Variants in L2HGDH observed in about 807,000 individuals in gnomAD.
L2HGDH encodes the protein L-2-hydroxyglutarate dehydrogenase, mitochondrial.
A neutral mutation model predicts 51.5 loss-of-function variants in L2HGDH; 34 were observed. The observed-to-expected ratio is 0.66, with a 90% CI of 0.50 to 0.88. L2HGDH has a LOEUF of 0.88. Among genes scored for constraint, L2HGDH ranks in the 40% least tolerant of loss-of-function variants. The probability of loss-of-function intolerance (pLI) is 0.00; values close to 1 mark genes in which losing one functional copy is unlikely to be tolerated. For missense variants in L2HGDH, 558 were observed against 571.9 expected, an observed-to-expected ratio of 0.98 and a Z score of 0.25; for synonymous variants, 198 against 197.9, an observed-to-expected ratio of 1.00 and a Z score of -0.01.
At chr14:50,303,810 T>TAAAAAAAAAA (rs5808550) in intron 1 of L2HGDH, among the ~76,000 whole-genome samples, 1 of 114,000 alleles carries the variant, frequency 8.8e-6, no homozygotes, top group African/African-American at 3.4e-5. Flanking sequence ...TTAGACGCAT[T>TAAAAAAAAAA]AAAAAAAAAA....
intron 1 of L2HGDH, among the ~76,000 whole-genome samples, chr14:50,304,766 C>T (rs1184349487): frequency 6.6e-6 from 1 of 152,004 alleles, no homozygotes. Context: ...ACCCAGGAGG[C>T]GGAGCTTGCA....
intron 1 of L2HGDH, among the ~76,000 whole-genome samples, chr14:50,305,482 G>C (rs1312562368): frequency 6.6e-6 from 1 of 152,110 alleles, no homozygotes; most frequent in Admixed American, 6.6e-5. Context: ...AAGTTCAGTG[G>C]ATAAAAGGTA....
chr14:50,282,647 T>C (rs1890334691), intron 5 of L2HGDH: 1 of 376,124 alleles, frequency 2.7e-6, no homozygotes, highest in Admixed American at 3.4e-5. Context: ...TCTGTGCCTG[T>C]TTTCTCACCC....
chr14:50,244,446 T>C lies in L2HGDH; in HGVS notation c.*2612A>G. ...TTCAATGTTTACAACTTAGTATGTATGCAATCGTACTACTGACAAAATACA... is the reference window on the plus strand; with the variant it reads ...TTCAATGTTTACAACTTAGTATGTACGCAATCGTACTACTGACAAAATACA... On this transcript the variant is annotated 3_prime_UTR_variant, in exon 10 of 10. Coordinates refer to ENST00000267436, the MANE Select transcript of L2HGDH (RefSeq NM_024884.3). 4.1e-6 allele frequency: 4 copies of C among 985,316 alleles called. No homozygotes were observed. Among genetic ancestry groups the C allele is most frequent in the South Asian group, 4.7e-5 (1 of 21,282 alleles). 61.0% of individuals were successfully genotyped at this position (985,316 alleles called of 1,614,324 possible). A position where few individuals can be genotyped will look rare whatever the true frequency, so the allele number is the denominator to read the frequency against.
chr14:50,255,025 G>A (rs1329342208), intron 9 of L2HGDH, among the ~76,000 whole-genome samples: 1 of 152,078 alleles, frequency 6.6e-6, no homozygotes, highest in South Asian at 2.1e-4. Context: ...TCCAGCCTGG[G>A]TGACAGAGTG....
chr14:50,248,587 G>A (rs1253025113), intron 9 of L2HGDH, among the ~76,000 whole-genome samples: 5 of 152,200 alleles, frequency 3.3e-5, no homozygotes, highest in Non-Finnish European at 7.3e-5. Context: ...CTATTCATTC[G>A]TAGAGAGGTA....
chr14:50,275,761 T>A (rs1296009752), intron 6 of L2HGDH, among the ~76,000 whole-genome samples: 6 of 152,158 alleles, frequency 3.9e-5, no homozygotes, highest in Admixed American at 2.6e-4. Context: ...TGGTATTGTT[T>A]CTCCCACAGC....
intron 8 of L2HGDH, among the ~76,000 whole-genome samples, chr14:50,266,065 A>C (rs929007226): frequency 6.6e-6 from 1 of 151,404 alleles, no homozygotes; most frequent in Non-Finnish European, 1.5e-5. Context: ...AGGCTCGCTT[A>C]AGCCCAGGAG....
chr14:50,257,240 A>G (rs1725076284), intron 9 of L2HGDH, among the ~76,000 whole-genome samples: 1 of 152,048 alleles, frequency 6.6e-6, no homozygotes, highest in Non-Finnish European at 1.5e-5. Context: ...CATGTCTTTT[A>G]ATTTCTATGG....
intron 9 of L2HGDH, among the ~76,000 whole-genome samples, chr14:50,264,782 G>T (rs112379465): frequency 6.6e-6 from 1 of 152,170 alleles, no homozygotes; most frequent in Admixed American, 6.5e-5. Context: ...TTGGGTACTG[G>T]GCTTAATATG....
chr14:50,263,087 G>C (rs1179874587), intron 9 of L2HGDH, among the ~76,000 whole-genome samples: 1 of 152,190 alleles, frequency 6.6e-6, no homozygotes, highest in Non-Finnish European at 1.5e-5. Flanking sequence ...GTTTTCCTCA[G>C]GCTTCTATAA....
chr14:50,310,117 C>T (rs1228821086), intron 1 of L2HGDH, among the ~76,000 whole-genome samples: 1 of 152,088 alleles, frequency 6.6e-6, no homozygotes, highest in African/African-American at 2.4e-5. Context: ...GAACAATGTC[C>T]GTGGATTTTG....
chr14:50,304,601 C>T (rs1387739353), intron 1 of L2HGDH, among the ~76,000 whole-genome samples: 1 of 152,150 alleles, frequency 6.6e-6, no homozygotes, highest in Non-Finnish European at 1.5e-5. Context: ...TTTGGGAGGC[C>T]AAGGCGGGCA....
At chr14:50,278,592 A>G (rs758396205) in intron 5 of L2HGDH, 38 bp from the exon 6 acceptor site, 2 of 1,089,570 alleles carry the variant, frequency 1.8e-6, no homozygotes, top group Non-Finnish European at 2.8e-6. Context: ...TATTTTTAGC[A>G]AAAGGCCAAC....
chr14:50,269,107 C>A, intron 7 of L2HGDH, 56 bp downstream of exon 7: 7 of 1,423,182 alleles, frequency 4.9e-6, no homozygotes, highest in Non-Finnish European at 4.9e-6. Flanking sequence ...TTTTCATCTC[C>A]TTTATGACCA....
At chr14:50,267,339 C>G (rs944677366) in intron 8 of L2HGDH, among the ~76,000 whole-genome samples, 2 of 151,932 alleles carry the variant, frequency 1.3e-5, no homozygotes, top group Non-Finnish European at 2.9e-5. Context: ...CCAGCCACCA[C>G]GCCTAGCTAA....
chr14:50,306,087 T>TGTCGCC (rs1307660882), intron 1 of L2HGDH, among the ~76,000 whole-genome samples: 2 of 151,652 alleles, frequency 1.3e-5, no homozygotes, highest in Admixed American at 6.6e-5. Context: ...AGTCTGGCTC[T>TGTCGCC]GTCGCCAGGC....
At chr14:50,260,469 T>C (rs372308078) in intron 9 of L2HGDH, among the ~76,000 whole-genome samples, 2 of 152,216 alleles carry the variant, frequency 1.3e-5, no homozygotes, top group Non-Finnish European at 2.9e-5. Context: ...GAGTCACACA[T>C]AAATTACAAA....
At position 50,247,262 on chromosome 14, in the gene L2HGDH, G is replaced by GT; in HGVS notation, c.1197-10dup. ...TTACTCCAGCTGGGCCCCTGCAAAA[G>GT]TAAAAGATGGGAGTCAGCTGACTCA... On this transcript the variant is annotated splice_polypyrimidine_tract_variant and intron_variant, in intron 9 of 9. Transcript: ENST00000267436. The GT allele has an allele frequency of 6.2e-7, 1 of 1,611,612 alleles. No homozygotes were observed. The highest frequency in any genetic ancestry group is 8.5e-7 in the Non-Finnish European group (1 of 1,178,730).
Sources: allele counts gnomAD v4.1 joint callset (sites outside exome capture counted in the v4.1 genomes callset), GRCh38; gene constraint gnomAD v4.1.1; transcripts MANE v1.5; gene names NCBI Gene and HGNC (gene_info 2026-07-23, HGNC 2026-07-21).